Variants in EPS15 observed in about 807,000 individuals in gnomAD.
EPS15 encodes the protein epidermal growth factor receptor substrate 15.
In EPS15, 72 loss-of-function variants were observed where a neutral mutation model predicts 113.8. That is an observed-to-expected ratio of 0.63 (90% CI 0.52 to 0.77). EPS15 has a LOEUF of 0.77. EPS15 is among the 30% of genes least tolerant of loss of function. EPS15 has a pLI of 0.00. For missense variants in EPS15, 1,048 were observed against 1,045.8 expected (o/e 1.00, Z -0.03); for synonymous variants, 344 against 363.4 (o/e 0.95, Z 0.61).
chr1:51,499,335 T>G (rs1239549509), intron 1 of EPS15, among the ~76,000 whole-genome samples: 1 of 152,236 alleles, frequency 6.6e-6, no homozygotes. Flanking sequence ...TCCTTTTCTT[T>G]TATGCATGCA....
chr1:51,472,721 CCTA>C, intron 3 of EPS15, 135 bp downstream of exon 3: 2 of 625,702 alleles, frequency 3.2e-6, no homozygotes, highest in Non-Finnish European at 5.7e-6. Flanking sequence ...TTCCCTTCAT[CCTA>C]CTATTAAAAT....
intron 13 of EPS15, among the ~76,000 whole-genome samples, chr1:51,414,301 T>C (rs538029565): frequency 1.3e-5 from 2 of 151,758 alleles, no homozygotes; most frequent in Admixed American, 1.3e-4. Context: ...TAATTCCCGC[T>C]ACTAGGGAGA....
At chr1:51,454,706 A>T (rs1653845318) in intron 8 of EPS15, among the ~76,000 whole-genome samples, 1 of 152,190 alleles carries the variant, frequency 6.6e-6, no homozygotes, top group Non-Finnish European at 1.5e-5. Flanking sequence ...TGACAACTAA[A>T]TGCAACGTGA....
intron 21 of EPS15, among the ~76,000 whole-genome samples, chr1:51,378,411 C>CT (rs1476176570): frequency 1.3e-5 from 2 of 152,082 alleles, no homozygotes; most frequent in Admixed American, 1.3e-4. Context: ...AATCCTAGCA[C>CT]TTTAGGAGAC....
chr1:51,426,238 C>T (rs1366198001), intron 12 of EPS15, among the ~76,000 whole-genome samples: 1 of 151,370 alleles, frequency 6.6e-6, no homozygotes, highest in Non-Finnish European at 1.5e-5. Flanking sequence ...TGTCTTTCTA[C>T]TCATATAGTT....
chr1:51,478,318 A>C (rs1451284128), intron 2 of EPS15, among the ~76,000 whole-genome samples: 2 of 152,190 alleles, frequency 1.3e-5, no homozygotes, highest in East Asian at 1.9e-4. Context: ...GTAGATCTTC[A>C]TCCATCCCTT....
At chr1:51,405,311 C>T (rs113985178) in intron 16 of EPS15, among the ~76,000 whole-genome samples, 32 of 152,086 alleles carry the variant, frequency 2.1e-4, no homozygotes, top group Non-Finnish European at 3.1e-4. Context: ...CTTAACACTA[C>T]GTAATAAAAA....
chr1:51,488,782 A>G (rs2148533451), intron 1 of EPS15, among the ~76,000 whole-genome samples: 1 of 152,256 alleles, frequency 6.6e-6, no homozygotes, highest in Admixed American at 6.5e-5. Flanking sequence ...TTACATACAC[A>G]CACCTAGCTA....
intron 22 of EPS15, among the ~76,000 whole-genome samples, chr1:51,365,477 A>G (rs965638596): frequency 6.6e-6 from 1 of 152,252 alleles, no homozygotes; most frequent in Non-Finnish European, 1.5e-5. Context: ...AGCCCGAATC[A>G]ATATCACAGC....
At chr1:51,488,630 T>TC (rs1489985185) in intron 1 of EPS15, among the ~76,000 whole-genome samples, 1 of 152,108 alleles carries the variant, frequency 6.6e-6, no homozygotes, top group Non-Finnish European at 1.5e-5. Context: ...TCCCACTCAG[T>TC]CCTGGCTGAA....
chr1:51,408,171 C>A lies in EPS15; in HGVS notation c.1437G>T (p.Gln479His), dbSNP rs1323825769. ...ESGKAQLEPL[Q>H]QHLQDSQQEI... is the part of the protein sequence containing the mutation. ...CCTGTTGTGAATCTTGTAGGTGCTG[C>A]TGAAGAGGTTCCAACTGAGCCTTCC... Residue 479 changes from glutamine (Q) to histidine (H), a missense_variant, in exon 15 of 25, where the codon CAG (glutamine) becomes CAT (histidine). Coordinates refer to ENST00000371733, the MANE Select transcript of EPS15 (RefSeq NM_001981.3). 1.9e-6 allele frequency: 3 copies of A among 1,614,146 alleles called. No homozygotes were observed. In the East Asian group the frequency reaches 6.7e-5, roughly 36 times the overall value.
At chr1:51,511,107 A>G (rs1644611642) in intron 1 of EPS15, among the ~76,000 whole-genome samples, 1 of 151,170 alleles carries the variant, frequency 6.6e-6, no homozygotes, top group Non-Finnish European at 1.5e-5. Context: ...CAGAGGTTAC[A>G]GTGAGCCGAG....
intron 2 of EPS15, among the ~76,000 whole-genome samples, chr1:51,476,098 T>C (rs919481340): frequency 2.0e-5 from 3 of 152,212 alleles, no homozygotes; most frequent in Non-Finnish European, 4.4e-5. Context: ...GTAGCATAGT[T>C]TGAAGTCAGG....
At chr1:51,369,556 A>C (rs941530016) in intron 21 of EPS15, among the ~76,000 whole-genome samples, 2 of 152,238 alleles carry the variant, frequency 1.3e-5, no homozygotes, top group African/African-American at 2.4e-5. Context: ...GTATAATTTA[A>C]AAATCATCCC....
chr1:51,417,212 A>T (rs1650308005), intron 13 of EPS15, among the ~76,000 whole-genome samples: 1 of 152,214 alleles, frequency 6.6e-6, no homozygotes, highest in Non-Finnish European at 1.5e-5. Flanking sequence ...TTAAAATAAA[A>T]AACATGGACA....
chr1:51,373,785 T>A (rs12738750), intron 21 of EPS15, among the ~76,000 whole-genome samples: 8,777 of 152,158 alleles, frequency 0.058, 340 homozygotes, highest in Non-Finnish European at 0.086. Context: ...ACCCTGTCTC[T>A]ACTAAAAATA....
Position 51,519,184 on chromosome 1 carries a change from G to T in EPS15, c.33+15C>A. On this transcript the variant is annotated intron_variant, in intron 1 of 24. Transcript: ENST00000371733. ...ACCGGCCGGCCAAGCCCGGCGGACG[G>T]GCGTGTGGCGTTACCTGTGTCAGAG... 1 of 1,443,182 alleles carries T rather than the reference G, an allele frequency of 6.9e-7. No homozygotes were observed. The highest frequency in any genetic ancestry group is 9.2e-7 in the Non-Finnish European group (1 of 1,089,726). The allele number at this position is 1,443,182 out of a possible 1,614,324, so 89.4% of individuals were successfully genotyped here.
At chr1:51,468,418 C>T (rs1655004593) in intron 5 of EPS15, 55 bp downstream of exon 5, 6 of 1,187,526 alleles carry the variant, frequency 5.1e-6, no homozygotes, top group African/African-American at 1.5e-5. Context: ...TTTCAAATAA[C>T]GTGGTGTCAC....
At chr1:51,374,808 A>C in intron 21 of EPS15, among the ~76,000 whole-genome samples, 1 of 150,910 alleles carries the variant, frequency 6.6e-6, no homozygotes, top group East Asian at 2.0e-4. Flanking sequence ...GGTTCAAGAG[A>C]TTCTCCTGCC....
Sources: gnomAD v4.1 joint callset for allele counts (sites outside exome capture counted in the v4.1 genomes callset) on GRCh38, gnomAD v4.1.1 for gene constraint, MANE v1.5 for transcripts, NCBI Gene and HGNC (gene_info 2026-07-23, HGNC 2026-07-21) for gene names.